INTS2: variants seen among roughly 807,000 people sequenced by gnomAD.
INTS2 encodes integrator complex subunit 2.
INTS2 carries 57 observed loss-of-function variants against 139.6 expected under a neutral mutation model. The ratio of observed to expected loss-of-function variants is 0.41; its 90% CI spans 0.33 to 0.51. INTS2 has a LOEUF of 0.51. INTS2 is among the 20% of genes least tolerant of loss of function. The pLI, the probability that INTS2 is intolerant of heterozygous loss-of-function variation, is 0.28. For missense variants in INTS2, 1,196 were observed against 1,436.7 expected (o/e 0.83, Z 2.71); for synonymous variants, 473 against 493.4 (o/e 0.96, Z 0.55).
intron 17 of INTS2, among the ~76,000 whole-genome samples, 180 bp downstream of exon 17, chr17:61,880,827 G>A (rs1335837069): frequency 1.4e-5 from 2 of 145,618 alleles, no homozygotes; most frequent in Non-Finnish European, 3.0e-5. Flanking sequence ...GGAGGAAAGG[G>A]GGGAGGGGAA....
Position 61,917,330 on chromosome 17 carries a change from G to A in INTS2, c.649+2070C>T, listed in dbSNP as rs542838469. ...AAATTGTTCTACCAAAGACACATGC[G>A]CTTGTATGTTCATCCCAATACTATT... On this transcript the variant is annotated intron_variant, in intron 5 of 24. Transcript: ENST00000251334. Among the ~76,000 whole-genome samples, 35 of 152,220 alleles carry A rather than the reference G, an allele frequency of 2.3e-4. No individual in the cohort carries two copies. The Middle Eastern group carries it at 0.014, about 59-fold the overall frequency.
chr17:61,884,425 G>T (rs1376840209), intron 16 of INTS2, among the ~76,000 whole-genome samples: 1 of 152,124 alleles, frequency 6.6e-6, no homozygotes, highest in Non-Finnish European at 1.5e-5. Flanking sequence ...CCCAGGAGGT[G>T]GGGGTTACAG....
intron 7 of INTS2, among the ~76,000 whole-genome samples, chr17:61,908,213 G>A (rs918192975): frequency 6.6e-5 from 10 of 152,124 alleles, no homozygotes; most frequent in Admixed American, 1.3e-4. Flanking sequence ...TCAGGAGTTC[G>A]AGACCAGCCT....
rs547240861 is a variant in INTS2 at position 61,868,108 on chromosome 17, T to C, written c.3245-99A>G. The stretch of plus-strand genomic sequence containing the variant: ...GGAACTATGCTCTGTGCTGGAGATA[T>C]GAAGTTCTCTAAACACAGCCAACCC... On this transcript the variant is annotated intron_variant, in intron 23 of 24. Coordinates refer to ENST00000251334, the MANE Select transcript of INTS2 (RefSeq NM_001351695.2). This position sits in a 1 kb window ranked among gnomAD's most constrained non-coding sequence, Gnocchi z 4.7. The C allele has an allele frequency of 1.3e-4, 126 of 973,318 alleles. No individual in the cohort carries two copies. The African/African-American group carries it at 1.6e-3, about 12-fold the overall frequency. The allele number at this position is 973,318 out of a possible 1,614,324, so 60.3% of individuals were successfully genotyped here.
Position 61,899,839 on chromosome 17 carries a change from G to A in INTS2, c.1308-2100C>T, listed in dbSNP as rs181040215. 2.0e-5 allele frequency among the ~76,000 whole-genome samples: 3 copies of A among 150,724 alleles called. No individual in the cohort carries two copies. The East Asian group carries it at 5.9e-4, about 30-fold the overall frequency. On this transcript the variant is annotated intron_variant, in intron 9 of 24. Coordinates refer to ENST00000251334, the MANE Select transcript of INTS2 (RefSeq NM_001351695.2). ...AGATGGGAGGATCTCTTGAGCCCAA[G>A]AGGCCAAGGCTGCAGCGAGCCCTGA...
intron 3 of INTS2, among the ~76,000 whole-genome samples, chr17:61,923,477 CA>C (rs933124889): frequency 0.015 from 445 of 30,682 alleles, no homozygotes; most frequent in African/African-American, 0.038. Flanking sequence ...ACTCTGTCTC[CA>C]AAAAAAAAAA....
rs2079616741 is a variant in INTS2 at position 61,919,484 on chromosome 17, C to T, written c.565G>A (p.Val189Ile). The T allele has an allele frequency of 6.3e-7, 1 of 1,596,218 alleles. No homozygotes were observed. Among genetic ancestry groups the T allele is most frequent in the Non-Finnish European group, 8.5e-7 (1 of 1,170,032 alleles). Residue 189 changes from valine to isoleucine, a missense_variant, in exon 5 of 25, where the codon GTA becomes ATA. Coordinates refer to ENST00000251334, the MANE Select transcript of INTS2 (RefSeq NM_001351695.2). Reference protein sequence around the residue: ...ELPSLLPIVDVAEALLHVRNG... With the variant: ...ELPSLLPIVDIAEALLHVRNG... Reference sequence around the variant, plus strand: ...CTAACATGTAGCAAAGCTTCAGCTACATCAACTATAGGGAGCAAGGAAGGG... The same window carrying T: ...CTAACATGTAGCAAAGCTTCAGCTATATCAACTATAGGGAGCAAGGAAGGG...
At chr17:61,903,309 G>A (rs1431049985) in intron 9 of INTS2, among the ~76,000 whole-genome samples, 1 of 149,694 alleles carries the variant, frequency 6.7e-6, no homozygotes, top group Non-Finnish European at 1.5e-5. Context: ...TCCCGCCTCA[G>A]CCTCCTGAGT....
Position 61,919,530 on chromosome 17 carries a change from T to C in INTS2, c.536-17A>G, listed in dbSNP as rs754373344. The C allele has an allele frequency of 2.2e-6, 3 of 1,350,902 alleles. No individual in the cohort carries two copies. The highest frequency in any genetic ancestry group is 1.4e-5 in the African/African-American group (1 of 69,188). The allele number at this position is 1,350,902 out of a possible 1,614,324, so 83.7% of individuals were successfully genotyped here. ...AAGGGAGCTCTACAAGAAAACAAAG[T>C]CAGTGTTAGTCTTTGTTAACAGGTG... On this transcript the variant is annotated splice_polypyrimidine_tract_variant and intron_variant, in intron 4 of 24. Coordinates refer to ENST00000251334, the MANE Select transcript of INTS2 (RefSeq NM_001351695.2).
chr17:61,910,830 G>A (rs1214544212), intron 7 of INTS2: 4 of 152,020 alleles, frequency 2.6e-5, no homozygotes, highest in African/African-American at 7.2e-5. Flanking sequence ...GAACCCTGGA[G>A]ATATATGCTT....
In INTS2 at chr17:61,869,258, C is replaced by T; in HGVS notation, c.3138+15G>A. On this transcript the variant is annotated intron_variant, in intron 22 of 24. Transcript: ENST00000251334. The surrounding 1 kb of genome is among the most constrained non-coding windows in gnomAD (Gnocchi z 5.4). ...AGAGAGATCAATTGTCCTAAAGCTCCAAAATGCTCATTACCTGTTTCTCAA... is the reference window on the plus strand; with the variant it reads ...AGAGAGATCAATTGTCCTAAAGCTCTAAAATGCTCATTACCTGTTTCTCAA... 1 of 1,569,626 alleles carries T rather than the reference C, an allele frequency of 6.4e-7. No individual in the cohort carries two copies. The highest frequency in any genetic ancestry group is 8.7e-7 in the Non-Finnish European group (1 of 1,145,754).
rs1392992604 is a variant in INTS2 at position 61,867,868 on chromosome 17, G to A, written c.3386C>T (p.Ala1129Val). 1 of 1,603,464 alleles carries A rather than the reference G, an allele frequency of 6.2e-7. No individual in the cohort carries two copies. Among genetic ancestry groups the A allele is most frequent in the Admixed American group, 1.8e-5 (1 of 57,006 alleles). ...TGGATCAATGTCTCTTGTCTGAGTG[G>A]CAACATCAGAGGCACAAACTTGCCC... The part of the protein sequence containing the change: ...QIGQVCASDV[A>V]TQTRDIDPII... Residue 1129 changes from alanine to valine, a missense_variant, in exon 24 of 25, where the codon GCC becomes GTC. Coordinates refer to ENST00000251334, the MANE Select transcript of INTS2 (RefSeq NM_001351695.2). This position sits in a 1 kb window ranked among gnomAD's most constrained non-coding sequence, Gnocchi z 5.6.
Position 61,871,230 on chromosome 17 carries a change from C to G in INTS2, c.2778+1035G>C, listed in dbSNP as rs1044934879. On this transcript the variant is annotated intron_variant, in intron 20 of 24. Coordinates refer to ENST00000251334, the MANE Select transcript of INTS2 (RefSeq NM_001351695.2). This position sits in a 1 kb window ranked among gnomAD's most constrained non-coding sequence, Gnocchi z 4.9. ...CCGCCTCCCGGGTTCAAGCCATTCT[C>G]CTGCCTCAGCCTCCCAAGTAGCTGG... 3.9e-5 allele frequency among the ~76,000 whole-genome samples: 6 copies of G among 152,192 alleles called. No homozygotes were observed. Among genetic ancestry groups the G allele is most frequent in the Non-Finnish European group, 7.3e-5 (5 of 68,040 alleles).
Position 61,912,016 on chromosome 17 carries a change from C to T in INTS2, c.704G>A (p.Gly235Glu). 1 of 1,613,790 alleles carries T rather than the reference C, an allele frequency of 6.2e-7. No individual in the cohort carries two copies. Among genetic ancestry groups the T allele is most frequent in the Non-Finnish European group, 8.5e-7 (1 of 1,179,758 alleles). Residue 235 changes from glycine to glutamate, a missense_variant, in exon 6 of 25, where the codon GGA becomes GAA. Coordinates refer to ENST00000251334, the MANE Select transcript of INTS2 (RefSeq NM_001351695.2). ...GERQDEESLG[G>E]RRRTDALRFL... ...GCGTAAGGCATCTGTCCTGCGCCTT[C>T]CTCCAAGACTTTCTTCATCTTGTCG...
At position 61,927,931 on chromosome 17, in the gene INTS2, G is replaced by A. The variant is rs1442684205; in HGVS notation, c.-296C>T. On this transcript the variant is annotated 5_prime_UTR_variant, in exon 1 of 25. Coordinates refer to ENST00000251334, the MANE Select transcript of INTS2 (RefSeq NM_001351695.2). The stretch of plus-strand genomic sequence containing the variant: ...GGGAGACTTTTTCAACCTGCACCCA[G>A]CACCTTCATTCATCCCCAGCGTCTG... 6 of 1,613,874 alleles carry A rather than the reference G, an allele frequency of 3.7e-6. No individual in the cohort carries two copies. Among genetic ancestry groups the A allele is most frequent in the Non-Finnish European group, 5.1e-6 (6 of 1,179,902 alleles).
chr17:61,880,696 G>A (rs2079169805), intron 17 of INTS2, among the ~76,000 whole-genome samples: 1 of 151,682 alleles, frequency 6.6e-6, no homozygotes, highest in Non-Finnish European at 1.5e-5. Context: ...AGGCTGCAGT[G>A]AGCTGAGATC....
Position 61,869,833 on chromosome 17 carries a change from C to G in INTS2, c.2934G>C (p.Leu978Phe). 1 of 1,613,886 alleles carries G rather than the reference C, an allele frequency of 6.2e-7. No homozygotes were observed. The highest frequency in any genetic ancestry group is 8.5e-7 in the Non-Finnish European group (1 of 1,179,812). ...NKGMEEGEDN[L>F]LCNLREVQCL... Reference sequence around the variant, plus strand: ...ACTGAACTTCTCGAAGGTTACAGAGCAAATTGTCTTCTCCTTCCTCCATTC... The same window carrying G: ...ACTGAACTTCTCGAAGGTTACAGAGGAAATTGTCTTCTCCTTCCTCCATTC... Residue 978 changes from leucine (L) to phenylalanine (F), a missense_variant, in exon 21 of 25, where the codon TTG (leucine) becomes TTC (phenylalanine). Leu to Phe is a conservative substitution (Grantham distance 22). Coordinates refer to ENST00000251334, the MANE Select transcript of INTS2 (RefSeq NM_001351695.2). This position sits in a 1 kb window ranked among gnomAD's most constrained non-coding sequence, Gnocchi z 5.4.
chr17:61,884,764 T>C, intron 16 of INTS2, 137 bp downstream of exon 16: 1 of 648,166 alleles, frequency 1.5e-6, no homozygotes, highest in Non-Finnish European at 2.7e-6. Flanking sequence ...ATAGATTTAG[T>C]GAGGGAGGCA....
chr17:61,916,283 A>C (rs1170749136), intron 5 of INTS2, among the ~76,000 whole-genome samples: 1 of 151,998 alleles, frequency 6.6e-6, no homozygotes, highest in Admixed American at 6.6e-5. Context: ...AAATACAAAA[A>C]ATTAGCCAGG....
Sources: allele counts gnomAD v4.1 joint callset (sites outside exome capture counted in the v4.1 genomes callset), GRCh38; gene constraint gnomAD v4.1.1; non-coding constraint Gnocchi (gnomAD v3.1); transcripts MANE v1.5; gene names NCBI Gene and HGNC (gene_info 2026-07-23, HGNC 2026-07-21).